The following NEGR1 variants were observed in gnomAD, a reference collection of about 807,000 sequenced individuals.
The protein encoded by NEGR1 is neuronal growth regulator 1, also known as IgLON family member 4.
Under a neutral mutation model 40.9 loss-of-function variants are expected in NEGR1, and 10 were observed. The observed-to-expected ratio is 0.24, with a 90% CI of 0.15 to 0.42. The LOEUF (loss-of-function observed/expected upper bound fraction) is 0.42, where lower values mean the gene tolerates loss of function less well. Ranked by LOEUF, NEGR1 falls within the 10% of genes least tolerant of loss-of-function variation. NEGR1 has a pLI of 1.00. For missense variants in NEGR1, 352 were observed against 438.9 expected (o/e 0.80, Z 1.77); for synonymous variants, 185 against 166.8 (o/e 1.11, Z -0.84).
chr1:72,246,964 G>A (rs938674012), intron 1 of NEGR1, among the ~76,000 whole-genome samples: 2 of 152,226 alleles, frequency 1.3e-5, no homozygotes, highest in Admixed American at 1.3e-4. Context: ...CTTATGTCTT[G>A]CATTCTCCAA....
chr1:71,610,472 T>C (rs1650216952), intron 5 of NEGR1, among the ~76,000 whole-genome samples: 1 of 152,118 alleles, frequency 6.6e-6, no homozygotes, highest in South Asian at 2.1e-4. Context: ...TCACACAGAG[T>C]TGAAATAAGA....
At chr1:71,593,761 T>A (rs1280546588) in intron 5 of NEGR1, among the ~76,000 whole-genome samples, 3 of 152,208 alleles carry the variant, frequency 2.0e-5, no homozygotes, top group Admixed American at 2.0e-4. Context: ...TCACCCTTTT[T>A]CTAAATCTGT....
intron 2 of NEGR1, among the ~76,000 whole-genome samples, chr1:71,887,516 T>C (rs532960408): frequency 6.6e-6 from 1 of 152,328 alleles, no homozygotes; most frequent in East Asian, 1.9e-4. Flanking sequence ...ATTTATTTTT[T>C]CTTTAATAAA....
intron 6 of NEGR1, among the ~76,000 whole-genome samples, chr1:71,544,193 G>A (rs1444985306): frequency 6.6e-6 from 1 of 151,516 alleles, no homozygotes; most frequent in Non-Finnish European, 1.5e-5. Flanking sequence ...TCTGTTTAAT[G>A]TTTATTTATC....
intron 2 of NEGR1, among the ~76,000 whole-genome samples, chr1:71,903,730 T>TACAC (rs144246015): frequency 2.7e-5 from 4 of 150,888 alleles, no homozygotes; most frequent in East Asian, 3.9e-4. Flanking sequence ...TGTATATATG[T>TACAC]ACACACACAC....
chr1:72,119,591 T>G (rs1355093931), intron 1 of NEGR1, among the ~76,000 whole-genome samples: 1 of 151,902 alleles, frequency 6.6e-6, no homozygotes, highest in African/African-American at 2.4e-5. Flanking sequence ...AGTATTCATA[T>G]TGTCGTGTAT....
intron 1 of NEGR1, among the ~76,000 whole-genome samples, chr1:72,008,456 C>T (rs1400386237): frequency 6.6e-6 from 1 of 152,096 alleles, no homozygotes; most frequent in Non-Finnish European, 1.5e-5. Context: ...GGATACATGA[C>T]AAGTTGTTTA....
chr1:71,831,133 G>A (rs535182254), intron 2 of NEGR1, among the ~76,000 whole-genome samples: 2 of 152,050 alleles, frequency 1.3e-5, no homozygotes, highest in East Asian at 3.9e-4. Context: ...GAATAAAGAT[G>A]TAAACAGAAA....
At chr1:71,450,282 C>T (rs1315980298) in intron 6 of NEGR1, among the ~76,000 whole-genome samples, 1 of 152,054 alleles carries the variant, frequency 6.6e-6, no homozygotes, top group African/African-American at 2.4e-5. Context: ...AGCCACCACA[C>T]CTGGCCTAGA....
intron 1 of NEGR1, among the ~76,000 whole-genome samples, chr1:71,952,542 C>A (rs1210087957): frequency 6.6e-6 from 1 of 151,944 alleles, no homozygotes; most frequent in Non-Finnish European, 1.5e-5. Context: ...CATAAAAGTG[C>A]AAGATGAGGC....
At chr1:71,763,753 GTGTGTGTGTGTGTGTGTGTC>G (rs1322477444) in intron 3 of NEGR1, among the ~76,000 whole-genome samples, 2 of 26,428 alleles carry the variant, frequency 7.6e-5, no homozygotes, top group African/African-American at 9.2e-5. Flanking sequence ...AGGAGTGTGT[GTGTGTGTGTGTGTGTGTGTC>G]TGTGTGTGTG....
chr1:72,162,288 C>CAAAAAAAAAAAA (rs1188135989), intron 1 of NEGR1, among the ~76,000 whole-genome samples: 63 of 25,222 alleles, frequency 2.5e-3, no homozygotes, highest in African/African-American at 2.9e-3. Context: ...CCTGCCTCTA[C>CAAAAAAAAAAAA]TAAAAAAAAA....
At chr1:71,593,589 T>C (rs1231427368) in intron 5 of NEGR1, among the ~76,000 whole-genome samples, 1 of 152,184 alleles carries the variant, frequency 6.6e-6, no homozygotes, top group Non-Finnish European at 1.5e-5. Context: ...GAATGTGCCA[T>C]GGAAAGACTT....
At chr1:72,070,866 T>C (rs1010962826) in intron 1 of NEGR1, among the ~76,000 whole-genome samples, 4 of 152,214 alleles carry the variant, frequency 2.6e-5, no homozygotes, top group African/African-American at 9.6e-5. Context: ...TTAAGTTATA[T>C]TGGTTTATAA....
chr1:71,856,465 G>A (rs1184433229), intron 2 of NEGR1, among the ~76,000 whole-genome samples: 1 of 151,900 alleles, frequency 6.6e-6, no homozygotes, highest in African/African-American at 2.4e-5. Context: ...TCTCTATTGT[G>A]TGTCAGATAC....
At chr1:72,241,794 G>GA (rs1465656621) in intron 1 of NEGR1, among the ~76,000 whole-genome samples, 1 of 149,726 alleles carries the variant, frequency 6.7e-6, no homozygotes, top group Non-Finnish European at 1.5e-5. Context: ...TCATAAACTG[G>GA]AAAAAAAAGT....
At chr1:71,561,359 T>G (rs908091410) in intron 6 of NEGR1, among the ~76,000 whole-genome samples, 1 of 151,700 alleles carries the variant, frequency 6.6e-6, no homozygotes, top group Non-Finnish European at 1.5e-5. Context: ...GGCCTACTTT[T>G]CCTCTAAAAA....
At chr1:71,555,591 G>A (rs1648228652) in intron 6 of NEGR1, among the ~76,000 whole-genome samples, 1 of 151,600 alleles carries the variant, frequency 6.6e-6, no homozygotes, top group Non-Finnish European at 1.5e-5. Flanking sequence ...AGTATGCTCA[G>A]AGCATAGGAT....
chr1:71,742,136 A>G (rs1570282779), intron 3 of NEGR1, among the ~76,000 whole-genome samples: 2 of 152,238 alleles, frequency 1.3e-5, no homozygotes, highest in South Asian at 2.1e-4. Flanking sequence ...AAGAGAGATG[A>G]TCTCTCTCTC....
Sources: allele counts gnomAD v4.1 joint callset (sites outside exome capture counted in the v4.1 genomes callset), GRCh38; gene constraint gnomAD v4.1.1; transcripts MANE v1.5; gene names NCBI Gene and HGNC (gene_info 2026-07-23, HGNC 2026-07-21).